The following SLC1A4 variants were observed in gnomAD, a reference collection of about 807,000 sequenced individuals.
SLC1A4 encodes the protein neutral amino acid transporter A.
A neutral mutation model predicts 37.7 loss-of-function variants in SLC1A4; 19 were observed. That is an observed-to-expected ratio of 0.50 (90% confidence interval 0.35 to 0.74). SLC1A4 has a LOEUF of 0.74. Ranked by LOEUF, SLC1A4 falls within the 30% of genes least tolerant of loss-of-function variation. The probability of loss-of-function intolerance (pLI) is 0.01; values close to 1 mark genes in which losing one functional copy is unlikely to be tolerated. For missense variants in SLC1A4, 570 were observed against 712.9 expected (o/e 0.80, Z 2.28); for synonymous variants, 299 against 309.8 (o/e 0.97, Z 0.37).
upstream of SLC1A4, chr2:64,989,388 C>T (rs1444743531): frequency 1.1e-5 from 4 of 352,832 alleles, no homozygotes; most frequent in Non-Finnish European, 2.0e-5. Flanking sequence ...TTCGCGGCTC[C>T]CGTTTGCATC....
rs1465865598 is a variant in SLC1A4 at position 65,022,542 on chromosome 2, C to G, written c.*1396C>G. ...ATATCAAGTGCTAACCCAGTATGTT[C>G]TTCTTTTTTATGTAAGGGACAGCTT... On this transcript the variant is annotated 3_prime_UTR_variant, in exon 8 of 8. Coordinates refer to ENST00000234256, the MANE Select transcript of SLC1A4 (RefSeq NM_003038.5). 1 of 127,188 alleles carries G rather than the reference C, an allele frequency of 7.9e-6. No homozygotes were observed. Among genetic ancestry groups the G allele is most frequent in the Non-Finnish European group, 1.8e-5 (1 of 55,622 alleles). 7.9% of individuals were successfully genotyped at this position (127,188 alleles called of 1,614,324 possible). A position where few individuals can be genotyped will look rare whatever the true frequency, so the allele number is the denominator to read the frequency against.
At chr2:65,015,421 A>G (rs1032901818) in intron 4 of SLC1A4, among the ~76,000 whole-genome samples, 44 of 151,874 alleles carry the variant, frequency 2.9e-4, no homozygotes, top group Non-Finnish European at 5.7e-4. Context: ...AAAAAGAAAA[A>G]AACACATAGA....
intron 1 of SLC1A4, among the ~76,000 whole-genome samples, chr2:64,994,010 G>A (rs1673158922): frequency 6.6e-6 from 1 of 152,216 alleles, no homozygotes; most frequent in African/African-American, 2.4e-5. Context: ...GAAGAGGAAT[G>A]TTTAGGGGAA....
chr2:65,018,460 C>A lies in SLC1A4; in HGVS notation c.1230-85C>A. The A allele has an allele frequency of 1.9e-6, 3 of 1,556,970 alleles. No homozygotes were observed. Among genetic ancestry groups the A allele is most frequent in the African/African-American group, 1.4e-5 (1 of 73,662 alleles). On this transcript the variant is annotated intron_variant, in intron 6 of 7. Transcript: ENST00000234256. The surrounding 1 kb of genome is among the most constrained non-coding windows in gnomAD (Gnocchi z 4.3). ...TGGTGGGGCGGTTTTTAGTTTCCAG[C>A]CACATTGCAGCTGCATGGTCTGCAT...
At chr2:65,003,075 G>A (rs1321232144) in intron 2 of SLC1A4, among the ~76,000 whole-genome samples, 1 of 152,148 alleles carries the variant, frequency 6.6e-6, no homozygotes, top group Non-Finnish European at 1.5e-5. Context: ...ATAGGTATAT[G>A]GGGCTTTTTT....
At chr2:65,012,091 T>C (rs1673944850) in intron 4 of SLC1A4, among the ~76,000 whole-genome samples, 1 of 150,892 alleles carries the variant, frequency 6.6e-6, no homozygotes, top group South Asian at 2.1e-4. Context: ...TTTTTTGTTT[T>C]GTTTTTTTGT....
rs1415166528 is a variant in SLC1A4 at position 65,023,648 on chromosome 2, C to G, written c.*2502C>G. ...CGAGAAGAGAGAATGTGCTGTCTATCTTCCTGGTTTTCAGTCCACAGAGTC... is the reference window on the plus strand; with the variant it reads ...CGAGAAGAGAGAATGTGCTGTCTATGTTCCTGGTTTTCAGTCCACAGAGTC... On this transcript the variant is annotated 3_prime_UTR_variant, in exon 8 of 8. Coordinates refer to ENST00000234256, the MANE Select transcript of SLC1A4 (RefSeq NM_003038.5). The G allele has an allele frequency of 3.3e-5, 5 of 152,616 alleles. No homozygotes were observed. Among genetic ancestry groups the G allele is most frequent in the Admixed American group, 3.3e-4 (5 of 15,262 alleles). The allele number at this position is 152,616 out of a possible 1,614,324, so 9.5% of individuals were successfully genotyped here. A position where few individuals can be genotyped will look rare whatever the true frequency, so the allele number is the denominator to read the frequency against.
intron 1 of SLC1A4, among the ~76,000 whole-genome samples, chr2:64,993,123 AG>A: frequency 6.6e-6 from 1 of 152,374 alleles, no homozygotes; most frequent in East Asian, 1.9e-4. Context: ...TAAACGCCTC[AG>A]TTATCCAGCA....
In SLC1A4 at chr2:65,020,898, T is replaced by A; in HGVS notation, c.1365-14T>A. Reference sequence around the variant, plus strand: ...AGCAGTAGATATAATAGCTGCCTCTTCTTTTCCCACCAGGGACCGGACCAC... The same window carrying A: ...AGCAGTAGATATAATAGCTGCCTCTACTTTTCCCACCAGGGACCGGACCAC... On this transcript the variant is annotated splice_polypyrimidine_tract_variant and intron_variant, in intron 7 of 7. Coordinates refer to ENST00000234256, the MANE Select transcript of SLC1A4 (RefSeq NM_003038.5). 1 of 1,611,450 alleles carries A rather than the reference T, an allele frequency of 6.2e-7. No homozygotes were observed. Among genetic ancestry groups the A allele is most frequent in the East Asian group, 2.2e-5 (1 of 44,860 alleles).
intron 1 of SLC1A4, among the ~76,000 whole-genome samples, chr2:64,992,963 G>A (rs899679297): frequency 4.6e-5 from 7 of 152,222 alleles, no homozygotes; most frequent in African/African-American, 1.2e-4. Flanking sequence ...CCTGAGTCTG[G>A]AGAGTCTCTG....
At chr2:65,005,233 G>A (rs1673630525) in intron 3 of SLC1A4, among the ~76,000 whole-genome samples, 1 of 152,166 alleles carries the variant, frequency 6.6e-6, no homozygotes, top group South Asian at 2.1e-4. Flanking sequence ...TTGGTTGCCT[G>A]AACATTTCAG....
rs948021274 is a variant in SLC1A4, at chr2:65,018,413, A to G, written c.1230-132A>G. The G allele has an allele frequency of 5.0e-6, 7 of 1,413,676 alleles. No homozygotes were observed. In the African/African-American group the frequency reaches 1.0e-4, roughly 20 times the overall value. 87.6% of individuals were successfully genotyped at this position (1,413,676 alleles called of 1,614,324 possible). ...CTTGAAGAGCGTGTGTTGACTCTCAAGGGCGTAGCCAGCAGAGCCTATGGT... is the reference window on the plus strand; with the variant it reads ...CTTGAAGAGCGTGTGTTGACTCTCAGGGGCGTAGCCAGCAGAGCCTATGGT... On this transcript the variant is annotated intron_variant, in intron 6 of 7. Coordinates refer to ENST00000234256, the MANE Select transcript of SLC1A4 (RefSeq NM_003038.5). The surrounding 1 kb of genome is among the most constrained non-coding windows in gnomAD (Gnocchi z 4.3).
intron 3 of SLC1A4, among the ~76,000 whole-genome samples, chr2:65,007,290 C>G (rs560788560): frequency 1.1e-3 from 152 of 142,392 alleles, no homozygotes; most frequent in Non-Finnish European, 1.6e-3. Flanking sequence ...GTGTGTGTGT[C>G]TGTGGTGATG....
chr2:64,993,820 GT>G (rs1673152040), intron 1 of SLC1A4, among the ~76,000 whole-genome samples: 2 of 152,162 alleles, frequency 1.3e-5, no homozygotes, highest in Non-Finnish European at 1.5e-5. Context: ...TGTTCTGAGG[GT>G]TAGCTGGGTT....
chr2:64,988,836 G>T (rs1672906490), upstream of SLC1A4, among the ~76,000 whole-genome samples: 1 of 151,916 alleles, frequency 6.6e-6, no homozygotes, highest in Admixed American at 6.5e-5. Flanking sequence ...CCGGCCCCCT[G>T]GCGGGAGAGG....
In SLC1A4 at chr2:64,989,726, C is replaced by T. The variant is rs1051479437; in HGVS notation, c.83C>T (p.Ala28Val). ...PAAGPGAPGT[A>V]AGRARRCAGF... Reference sequence around the variant, plus strand: ...GCCGGGCCCGGAGCTCCGGGGACCGCGGCGGGACGCGCACGGCGTTGCGCG... The same window carrying T: ...GCCGGGCCCGGAGCTCCGGGGACCGTGGCGGGACGCGCACGGCGTTGCGCG... Residue 28 changes from alanine (A) to valine (V), a missense_variant, in exon 1 of 8, where the codon GCG (alanine) becomes GTG (valine). Coordinates refer to ENST00000234256, the MANE Select transcript of SLC1A4 (RefSeq NM_003038.5). 4.1e-6 allele frequency: 6 copies of T among 1,477,790 alleles called. No individual in the cohort carries two copies. In the African/African-American group the frequency reaches 7.4e-5, roughly 18 times the overall value. The allele number at this position is 1,477,790 out of a possible 1,614,324, so 91.5% of individuals were successfully genotyped here. A position where few individuals can be genotyped will look rare whatever the true frequency, so the allele number is the denominator to read the frequency against.
At chr2:65,002,570 C>CTTTTTTTTT (rs70937394) in intron 2 of SLC1A4, among the ~76,000 whole-genome samples, 2 of 59,048 alleles carry the variant, frequency 3.4e-5, no homozygotes, top group African/African-American at 7.5e-5. Context: ...TGTGACCATT[C>CTTTTTTTTT]TTTTTTTTTT....
chr2:65,014,668 T>A (rs1279954001), intron 4 of SLC1A4, among the ~76,000 whole-genome samples: 1 of 152,238 alleles, frequency 6.6e-6, no homozygotes, highest in Non-Finnish European at 1.5e-5. Context: ...TGATATGGAA[T>A]AACCACTTTG....
upstream of SLC1A4, chr2:64,989,345 G>A (rs1462039520): frequency 7.3e-6 from 2 of 273,274 alleles, no homozygotes; most frequent in Middle Eastern, 9.9e-4. Context: ...GGGGCCGCTG[G>A]CGCGCCCTCC....
Sources: gnomAD v4.1 joint callset for allele counts (sites outside exome capture counted in the v4.1 genomes callset) on GRCh38, gnomAD v4.1.1 for gene constraint, Gnocchi (gnomAD v3.1) non-coding constraint, MANE v1.5 for transcripts, NCBI Gene and HGNC (gene_info 2026-07-23, HGNC 2026-07-21) for gene names.